Variants in PLCB1 observed in about 807,000 individuals in gnomAD.
PLCB1 encodes 1-phosphatidylinositol 4,5-bisphosphate phosphodiesterase beta-1.
A neutral mutation model predicts 161.8 loss-of-function variants in PLCB1; 46 were observed. The ratio of observed to expected loss-of-function variants is 0.28; its 90% CI spans 0.22 to 0.36. PLCB1 has a LOEUF of 0.36. Ranked by LOEUF, PLCB1 falls within the 10% of genes least tolerant of loss-of-function variation. The probability of loss-of-function intolerance (pLI) is 1.00; values close to 1 mark genes in which losing one functional copy is unlikely to be tolerated. For synonymous variants in PLCB1, 517 were observed against 503.7 expected, an observed-to-expected ratio of 1.03 and a Z score of -0.35; for missense variants, 1,016 against 1,472.5, an observed-to-expected ratio of 0.69 and a Z score of 5.07.
intron 16 of PLCB1, 30 bp from the exon 17 acceptor site, chr20:8,727,279 C>T (rs761957324): frequency 9.8e-6 from 11 of 1,116,988 alleles, no homozygotes; most frequent in Non-Finnish European, 2.7e-6. Flanking sequence ...CTCACCTTCC[C>T]CTTTTTTGTT....
rs906463294 is a variant in PLCB1 at position 8,241,316 on chromosome 20, T to C, written c.177+90945T>C. 5.9e-4 allele frequency among the ~76,000 whole-genome samples: 89 copies of C among 152,120 alleles called. 1 individual carries two copies. Among genetic ancestry groups the C allele is most frequent in the African/African-American group, 2.1e-3 (88 of 41,554 alleles). On this transcript the variant is annotated intron_variant, in intron 2 of 31. Coordinates refer to ENST00000338037, the MANE Select transcript of PLCB1 (RefSeq NM_015192.4). ...TGAGTCCTTCTCTATCCTAATGTCA[T>C]GTTGGGTCACAATTGTCTGATGATC...
At chr20:8,399,718 C>T (rs1192910585) in intron 3 of PLCB1, among the ~76,000 whole-genome samples, 1 of 152,010 alleles carries the variant, frequency 6.6e-6, no homozygotes, top group African/African-American at 2.4e-5. Context: ...TAGAGAATGC[C>T]ATTTTCTAGT....
At chr20:8,133,396 C>T (rs1477913501) in intron 1 of PLCB1, among the ~76,000 whole-genome samples, 2 of 152,044 alleles carry the variant, frequency 1.3e-5, no homozygotes, top group Non-Finnish European at 2.9e-5. Context: ...TCCTGGAGGG[C>T]TCATGGGCCT....
intron 8 of PLCB1, among the ~76,000 whole-genome samples, chr20:8,658,244 A>C (rs1989519994): frequency 6.6e-6 from 1 of 152,170 alleles, no homozygotes; most frequent in Non-Finnish European, 1.5e-5. Context: ...TTCGGTTTAG[A>C]GTGGTGCACC....
Position 8,884,549 on chromosome 20 carries a change from T to C in PLCB1, c.*2700T>C, listed in dbSNP as rs1988106543. ...TTAAAATTTGAGTATCACCATACAT[T>C]AATTAATACTCCTGTAGTAGATAAG... On this transcript the variant is annotated 3_prime_UTR_variant, in exon 32 of 32. Transcript: ENST00000338037. The C allele has an allele frequency of 6.6e-6, 1 of 152,634 alleles. No individual in the cohort carries two copies. The highest frequency in any genetic ancestry group is 2.4e-5 in the African/African-American group (1 of 41,452). The allele number at this position is 152,634 out of a possible 1,614,324, so 9.5% of individuals were successfully genotyped here. A position where few individuals can be genotyped will look rare whatever the true frequency, so the allele number is the denominator to read the frequency against.
intron 2 of PLCB1, among the ~76,000 whole-genome samples, chr20:8,268,123 C>A (rs6140576): frequency 7.9e-5 from 12 of 151,960 alleles, no homozygotes; most frequent in Non-Finnish European, 1.5e-4. Context: ...CCTCTCCCCC[C>A]ACCTCATGAC....
chr20:8,519,303 G>A (rs1984258074), intron 3 of PLCB1, among the ~76,000 whole-genome samples: 1 of 152,176 alleles, frequency 6.6e-6, no homozygotes, highest in Non-Finnish European at 1.5e-5. Context: ...ACGTGTGTGA[G>A]TGCATTTAGT....
chr20:8,416,929 TACACACACACAC>T (rs56097941), intron 3 of PLCB1, among the ~76,000 whole-genome samples: 40 of 126,450 alleles, frequency 3.2e-4, no homozygotes, highest in Admixed American at 5.1e-4. Flanking sequence ...AGAGACAGAA[TACACACACACAC>T]ACACACACAC....
chr20:8,604,981 G>GA (rs1987711697), intron 3 of PLCB1, among the ~76,000 whole-genome samples: 1 of 151,918 alleles, frequency 6.6e-6, no homozygotes, highest in Non-Finnish European at 1.5e-5. Flanking sequence ...CTAATCCTAT[G>GA]AAGTTTCACT....
At chr20:8,487,295 G>T (rs1982769105) in intron 3 of PLCB1, among the ~76,000 whole-genome samples, 1 of 152,122 alleles carries the variant, frequency 6.6e-6, no homozygotes, top group Admixed American at 6.5e-5. Flanking sequence ...CCTAGAATTT[G>T]CAAAATAGTG....
At chr20:8,272,447 G>A (rs750054901) in intron 2 of PLCB1, among the ~76,000 whole-genome samples, 13 of 152,078 alleles carry the variant, frequency 8.5e-5, no homozygotes, top group Non-Finnish European at 1.5e-5. Context: ...GAGGGGCAAT[G>A]GATAGGGCAG....
chr20:8,511,639 A>T (rs554829093), intron 3 of PLCB1, among the ~76,000 whole-genome samples: 1 of 152,108 alleles, frequency 6.6e-6, no homozygotes, highest in African/African-American at 2.4e-5. Context: ...ATTCCTGCCA[A>T]CTGTGTACAG....
chr20:8,815,321 G>A (rs1465407340), intron 31 of PLCB1, among the ~76,000 whole-genome samples: 1 of 152,196 alleles, frequency 6.6e-6, no homozygotes, highest in Non-Finnish European at 1.5e-5. Context: ...CTTAATAGAG[G>A]ATTTTCCCAC....
At chr20:8,570,981 G>T (rs1233688867) in intron 3 of PLCB1, among the ~76,000 whole-genome samples, 1 of 152,058 alleles carries the variant, frequency 6.6e-6, no homozygotes, top group African/African-American at 2.4e-5. Flanking sequence ...GGATTTTGGA[G>T]AAATCACAAG....
intron 2 of PLCB1, among the ~76,000 whole-genome samples, chr20:8,152,883 T>C (rs558880933): frequency 9.2e-5 from 14 of 152,266 alleles, no homozygotes; most frequent in Middle Eastern, 6.8e-3. Flanking sequence ...CAAGTGTTTT[T>C]TATTTTTCTT....
intron 3 of PLCB1, among the ~76,000 whole-genome samples, chr20:8,544,540 G>T (rs1233336990): frequency 2.0e-5 from 3 of 152,168 alleles, no homozygotes; most frequent in Non-Finnish European, 4.4e-5. Flanking sequence ...TTGCTATGTG[G>T]GGGTCAAGTG....
intron 11 of PLCB1, among the ~76,000 whole-genome samples, chr20:8,699,952 T>A (rs1341020518): frequency 6.6e-6 from 1 of 152,198 alleles, no homozygotes; most frequent in African/African-American, 2.4e-5. Flanking sequence ...ACCCTTGCAT[T>A]TTCTTAAGTG....
At chr20:8,740,479 TC>T in intron 22 of PLCB1, 31 bp downstream of exon 22, 39 of 1,198,692 alleles carry the variant, frequency 3.3e-5, no homozygotes, top group Middle Eastern at 1.9e-4. Flanking sequence ...ACCACTTTAC[TC>T]AAAGGGGTAT....
chr20:8,284,866 T>C (rs980529890), intron 2 of PLCB1, among the ~76,000 whole-genome samples: 4 of 152,138 alleles, frequency 2.6e-5, no homozygotes, highest in African/African-American at 7.2e-5. Context: ...ATATATGTTG[T>C]CTTCTTTCTT....
Sources: allele counts gnomAD v4.1 joint callset (sites outside exome capture counted in the v4.1 genomes callset), GRCh38; gene constraint gnomAD v4.1.1; transcripts MANE v1.5; gene names NCBI Gene and HGNC (gene_info 2026-07-23, HGNC 2026-07-21).